DCDC1: variants seen among roughly 807,000 people sequenced by gnomAD.
DCDC1 encodes doublecortin domain-containing protein 1.
A neutral mutation model predicts 178.3 loss-of-function variants in DCDC1; 200 were observed. The observed-to-expected ratio is 1.12, with a 90% CI of 1.00 to 1.26. The LOEUF (loss-of-function observed/expected upper bound fraction) is 1.26. Ranked by LOEUF, DCDC1 falls within the 50% of genes most tolerant of loss-of-function variation. DCDC1 has a pLI of 0.00. For missense variants in DCDC1, 1,983 were observed against 1,749.2 expected (o/e 1.13, Z -2.38); for synonymous variants, 690 against 604.8 (o/e 1.14, Z -2.07).
chr11:31,329,399 T>C (rs932563945), intron 2 of DCDC1, among the ~76,000 whole-genome samples: 1 of 152,194 alleles, frequency 6.6e-6, no homozygotes, highest in Non-Finnish European at 1.5e-5. Flanking sequence ...TTTCCATTTT[T>C]TTTTATTACT....
At chr11:31,143,128 A>C (rs1964038545) in intron 9 of DCDC1, among the ~76,000 whole-genome samples, 1 of 152,198 alleles carries the variant, frequency 6.6e-6, no homozygotes, top group African/African-American at 2.4e-5. Context: ...CACAAGGCAC[A>C]TCATAATGGC....
intron 38 of DCDC1, among the ~76,000 whole-genome samples, chr11:30,875,910 G>C (rs1420132361): frequency 6.6e-6 from 1 of 152,112 alleles, no homozygotes; most frequent in Non-Finnish European, 1.5e-5. Flanking sequence ...TATAAATACT[G>C]TTAGTTATTC....
chr11:31,031,320 A>T (rs1953615026), intron 20 of DCDC1, among the ~76,000 whole-genome samples: 1 of 152,160 alleles, frequency 6.6e-6, no homozygotes, highest in African/African-American at 2.4e-5. Context: ...TCTCAAATCC[A>T]TATCATTGTG....
intron 1 of DCDC1, among the ~76,000 whole-genome samples, chr11:31,351,393 G>T (rs921145449): frequency 2.0e-5 from 3 of 151,978 alleles, no homozygotes; most frequent in Non-Finnish European, 2.9e-5. Flanking sequence ...AAAAATACAT[G>T]CAATTTTTCA....
intron 20 of DCDC1, among the ~76,000 whole-genome samples, chr11:31,027,900 A>G (rs1953343960): frequency 6.6e-6 from 1 of 151,872 alleles, no homozygotes; most frequent in South Asian, 2.1e-4. Context: ...CACCTGAATT[A>G]AAGTTTTCAG....
Position 31,328,159 on chromosome 11 carries a change from G to A in DCDC1, c.122C>T (p.Thr41Ile), listed in dbSNP as rs775496828. Reference sequence around the variant, plus strand: ...AATATATTTGTAAATTGGGTTTACAGTATTCCCATCCAAAGTGCCTTCAGG... The same window carrying A: ...AATATATTTGTAAATTGGGTTTACAATATTCCCATCCAAAGTGCCTTCAGG... ...SSPEGTLDGNTVNPIYKYILN... is the reference protein window; with the variant it reads ...SSPEGTLDGNIVNPIYKYILN... The change falls in exon 3 of 39, where the codon ACT becomes ATT. Residue 41 changes from threonine (T) to isoleucine (I), a missense_variant. Coordinates refer to ENST00000684477, the MANE Select transcript of DCDC1 (RefSeq NM_001387274.1). 1 of 1,612,218 alleles carries A rather than the reference G, an allele frequency of 6.2e-7. No individual in the cohort carries two copies. The highest frequency in any genetic ancestry group is 8.5e-7 in the Non-Finnish European group (1 of 1,178,812).
intron 1 of DCDC1, among the ~76,000 whole-genome samples, chr11:31,359,018 C>G (rs923065538): frequency 3.3e-5 from 5 of 152,198 alleles, no homozygotes; most frequent in African/African-American, 1.2e-4. Flanking sequence ...TTGTGGGAGT[C>G]AGTGTGGCGA....
intron 1 of DCDC1, among the ~76,000 whole-genome samples, chr11:31,360,295 T>C (rs1210279225): frequency 6.6e-6 from 1 of 152,164 alleles, no homozygotes; most frequent in East Asian, 1.9e-4. Flanking sequence ...GGAAAAAATA[T>C]GTAAGTTTTC....
At chr11:31,210,971 T>C (rs1008234465) in intron 9 of DCDC1, among the ~76,000 whole-genome samples, 4 of 152,180 alleles carry the variant, frequency 2.6e-5, no homozygotes, top group Admixed American at 1.3e-4. Context: ...CTATTCTTTT[T>C]CTATCTAGGC....
intron 21 of DCDC1, chr11:30,943,096 T>C (rs1487871703): frequency 6.6e-6 from 1 of 152,170 alleles, no homozygotes; most frequent in Non-Finnish European, 1.5e-5. Flanking sequence ...CATGTCTTTA[T>C]TGGTTTTCTC....
chr11:31,144,187 TGCAGTG>T (rs2136047338), intron 9 of DCDC1, among the ~76,000 whole-genome samples: 1 of 152,284 alleles, frequency 6.6e-6, no homozygotes, highest in African/African-American at 2.4e-5. Flanking sequence ...CAGGCTAGAG[TGCAGTG>T]GTACAATCTT....
chr11:30,901,987 A>G (rs1444718120), intron 32 of DCDC1, among the ~76,000 whole-genome samples: 1 of 152,170 alleles, frequency 6.6e-6, no homozygotes, highest in Non-Finnish European at 1.5e-5. Flanking sequence ...ACTATTATTC[A>G]TATTTATGAG....
chr11:31,030,346 C>A (rs950847628), intron 20 of DCDC1, among the ~76,000 whole-genome samples: 3 of 151,608 alleles, frequency 2.0e-5, no homozygotes, highest in Non-Finnish European at 1.5e-5. Flanking sequence ...GGCCCTTTCA[C>A]ATATGCATTA....
chr11:31,358,124 C>G (rs1485071035), intron 1 of DCDC1, among the ~76,000 whole-genome samples: 1 of 149,882 alleles, frequency 6.7e-6, no homozygotes, highest in Non-Finnish European at 1.5e-5. Flanking sequence ...GAGCCCGCAT[C>G]GCCAAGTCAA....
chr11:31,079,462 A>C (rs1237803558), intron 17 of DCDC1, among the ~76,000 whole-genome samples: 3 of 152,248 alleles, frequency 2.0e-5, no homozygotes, highest in Non-Finnish European at 4.4e-5. Flanking sequence ...CCATTCTAGC[A>C]GATTATCAAA....
At chr11:31,263,215 G>A in intron 8 of DCDC1, 1 of 714,822 alleles carries the variant, frequency 1.4e-6, no homozygotes, top group South Asian at 3.0e-5. Flanking sequence ...AATTCCAGGT[G>A]AACTGGAAAT....
intron 1 of DCDC1, among the ~76,000 whole-genome samples, chr11:31,369,163 C>T (rs1952137162): frequency 6.6e-6 from 1 of 152,164 alleles, no homozygotes; most frequent in Non-Finnish European, 1.5e-5. Flanking sequence ...TTTCTTTCCT[C>T]ATCTATAAAG....
intron 3 of DCDC1, among the ~76,000 whole-genome samples, chr11:31,323,680 A>C (rs1949495761): frequency 6.6e-6 from 1 of 152,092 alleles, no homozygotes; most frequent in South Asian, 2.1e-4. Context: ...TTGAATTGAA[A>C]TATATACAAA....
chr11:31,238,577 C>G (rs1031570919), intron 9 of DCDC1, among the ~76,000 whole-genome samples: 14 of 152,008 alleles, frequency 9.2e-5, no homozygotes, highest in Non-Finnish European at 7.4e-5. Context: ...CACTAGAACT[C>G]GACACAATGG....
Sources: allele counts gnomAD v4.1 joint callset (sites outside exome capture counted in the v4.1 genomes callset), GRCh38; gene constraint gnomAD v4.1.1; transcripts MANE v1.5; gene names NCBI Gene and HGNC (gene_info 2026-07-23, HGNC 2026-07-21).